The following UGT2B4 variants were observed in gnomAD, a reference collection of about 807,000 sequenced individuals.
UGT2B4 encodes the protein UDP glucuronosyltransferase family 2 member B4, also known as UDP-glucuronosyltransferase 2B4.
In UGT2B4, 49 loss-of-function variants were observed where a neutral mutation model predicts 49.8. That is an observed-to-expected ratio of 0.98 (90% confidence interval 0.78 to 1.25). UGT2B4 has a LOEUF of 1.25. UGT2B4 is among the 50% of genes most tolerant of loss of function. The pLI, the probability that UGT2B4 is intolerant of heterozygous loss-of-function variation, is 0.00. For missense variants in UGT2B4, 729 were observed against 627.7 expected (o/e 1.16, Z -1.73); for synonymous variants, 246 against 217.7 (o/e 1.13, Z -1.14).
At chr4:69,500,136 AAC>A (rs1177774547), upstream of UGT2B4, among the ~76,000 whole-genome samples, 1 of 152,206 alleles carries the variant, frequency 6.6e-6, no homozygotes, top group African/African-American at 2.4e-5. Context: ...TCAGCAAACT[AAC>A]ACAGAATCAG....
chr4:69,485,345 C>T lies in UGT2B4; in HGVS notation c.1173G>A (p.Val391=). The change falls in exon 5 of 6, where the codon GTG becomes GTA. Residue 391 remains valine, a synonymous_variant. Coordinates refer to ENST00000305107, the MANE Select transcript of UGT2B4 (RefSeq NM_021139.3). ...GTTGATCTGCAAACAATGGAACGCC[C>T]ACCATAGGGATTCCATGGTAGATTG... The part of the protein sequence containing the change: ...YEAIYHGIPM[V]GVPLFADQPD... 3 of 1,613,996 alleles carry T rather than the reference C, an allele frequency of 1.9e-6. No homozygotes were observed. The highest frequency in any genetic ancestry group is 1.1e-5 in the South Asian group (1 of 91,082).
Position 69,495,203 on chromosome 4 carries a change from A to G in UGT2B4, c.659T>C (p.Phe220Ser), listed in dbSNP as rs927762910. The change falls in exon 1 of 6, where the codon TTT becomes TCT. Residue 220 changes from phenylalanine to serine, a missense_variant. Physicochemically the swap from Phe to Ser is radical, Grantham distance 155 (BLOSUM62 -2). Coordinates refer to ENST00000305107, the MANE Select transcript of UGT2B4 (RefSeq NM_021139.3). Reference sequence around the variant, plus strand: ...GTCAAATATTTGGAACCAAAATTCAAAATAAAGCACATAGATCATATTTTT... The same window carrying G: ...GTCAAATATTTGGAACCAAAATTCAGAATAAAGCACATAGATCATATTTTT... ...RVKNMIYVLY[F>S]EFWFQIFDMK... 5 of 1,595,978 alleles carry G rather than the reference A, an allele frequency of 3.1e-6. No homozygotes were observed. The highest frequency in any genetic ancestry group is 3.4e-6 in the Non-Finnish European group (4 of 1,174,084).
chr4:69,521,069 G>T (rs1462343548), intron 1 of UGT2B4, among the ~76,000 whole-genome samples: 2 of 152,146 alleles, frequency 1.3e-5, no homozygotes, highest in African/African-American at 4.8e-5. Context: ...ACATTGGGAT[G>T]ACCAGCCTGT....
At chr4:69,492,359 C>A (rs1422147672) in intron 2 of UGT2B4, among the ~76,000 whole-genome samples, 2 of 152,040 alleles carry the variant, frequency 1.3e-5, no homozygotes, top group Non-Finnish European at 2.9e-5. Flanking sequence ...AACACTGGGT[C>A]TGGCTGCAAA....
In UGT2B4 at chr4:69,495,463, A is replaced by T. The variant is rs1728127985; in HGVS notation, c.399T>A (p.Asn133Lys). 6.2e-7 allele frequency: 1 copy of T among 1,613,028 alleles called. No individual in the cohort carries two copies. Among genetic ancestry groups the T allele is most frequent in the South Asian group, 1.1e-5 (1 of 91,008 alleles). Reference sequence around the variant, plus strand: ...CCTGTAGTTTCTTCATAAGTTTCTTATTTGAAACTATATCCTTACAGAACT... The same window carrying T: ...CCTGTAGTTTCTTCATAAGTTTCTTTTTTGAAACTATATCCTTACAGAACT... ...LRKFCKDIVS[N>K]KKLMKKLQES... The change falls in exon 1 of 6, where the codon AAT becomes AAA. Residue 133 changes from asparagine to lysine, a missense_variant. Transcript: ENST00000305107.
chr4:69,495,192 AC>A lies in UGT2B4; in HGVS notation c.669del (p.Trp223CysfsTer7). The A allele has an allele frequency of 1.3e-6, 2 of 1,587,200 alleles. No homozygotes were observed. Among genetic ancestry groups the A allele is most frequent in the Non-Finnish European group, 8.5e-7 (1 of 1,170,716 alleles). Reference sequence around the variant, plus strand: ...CACTTCTTCATGTCAAATATTTGGAACCAAAATTCAAAATAAAGCACATAGA... The same window carrying A: ...CACTTCTTCATGTCAAATATTTGGAACAAAATTCAAAATAAAGCACATAGA... ...NMIYVLYFEFWFQIFDMKKWD... is the reference protein window; with the variant it reads ...NMIYVLYFEFXFQIFDMKKWD... On this transcript the variant is annotated frameshift_variant, in exon 1 of 6. Transcript: ENST00000305107. LOFTEE classifies it high-confidence loss of function.
At chr4:69,492,154 C>T (rs1728006116) in intron 2 of UGT2B4, among the ~76,000 whole-genome samples, 1 of 151,966 alleles carries the variant, frequency 6.6e-6, no homozygotes, top group African/African-American at 2.4e-5. Flanking sequence ...CTTTATTATA[C>T]ATGCGTTGTT....
At chr4:69,507,238 G>A (rs1177248592) in intron 1 of UGT2B4, among the ~76,000 whole-genome samples, 9 of 152,140 alleles carry the variant, frequency 5.9e-5, no homozygotes, top group Admixed American at 1.3e-4. Flanking sequence ...TCAGGCGAGC[G>A]AAAGAAATAA....
intron 1 of UGT2B4, among the ~76,000 whole-genome samples, chr4:69,512,176 T>C (rs1363467986): frequency 6.6e-6 from 1 of 152,032 alleles, no homozygotes; most frequent in Non-Finnish European, 1.5e-5. Flanking sequence ...CTTTTTTTTC[T>C]GCCAACGTTG....
intron 3 of UGT2B4, among the ~76,000 whole-genome samples, chr4:69,488,449 T>C (rs993287026): frequency 2.0e-5 from 3 of 152,170 alleles, no homozygotes; most frequent in African/African-American, 7.2e-5. Flanking sequence ...GTTACATCAG[T>C]GTTAAAGTAA....
chr4:69,480,840 C>A lies in UGT2B4; in HGVS notation c.1381G>T (p.Val461Phe). The A allele has an allele frequency of 6.2e-7, 1 of 1,613,892 alleles. No homozygotes were observed. Among genetic ancestry groups the A allele is most frequent in the South Asian group, 1.1e-5 (1 of 91,074 alleles). The change falls in exon 6 of 6, where the codon GTC becomes TTC. Residue 461 changes from valine to phenylalanine, a missense_variant. Coordinates refer to ENST00000305107, the MANE Select transcript of UGT2B4 (RefSeq NM_021139.3). Reference protein sequence around the residue: ...DQPVKPLDRAVFWIEFVMRHK... With the variant: ...DQPVKPLDRAFFWIEFVMRHK... ...CGCATGACAAATTCAATCCAGAAGA[C>A]TGCTCGATCAAGGGGCTTCACTGGT...
chr4:69,502,089 C>CTTTCTTTCTTTCTT (rs879676979), intron 1 of UGT2B4, among the ~76,000 whole-genome samples: 1 of 84,052 alleles, frequency 1.2e-5, no homozygotes, highest in Non-Finnish European at 2.5e-5. Flanking sequence ...CTTTCTTTCT[C>CTTTCTTTCTTTCTT]TCTCTTTCTT....
At chr4:69,481,052 C>G (rs1314572774) in intron 5 of UGT2B4, 142 bp from the exon 6 acceptor site, 1 of 381,566 alleles carries the variant, frequency 2.6e-6, no homozygotes, top group Non-Finnish European at 4.3e-6. Flanking sequence ...TCCTGGCTAA[C>G]ACGGTGAAAC....
intron 1 of UGT2B4, among the ~76,000 whole-genome samples, chr4:69,514,870 A>G (rs1728690425): frequency 6.6e-6 from 1 of 152,146 alleles, no homozygotes; most frequent in African/African-American, 2.4e-5. Context: ...TGGAAAATAG[A>G]AAAAAGCAAG....
intron 2 of UGT2B4, among the ~76,000 whole-genome samples, chr4:69,492,193 C>T (rs1300992536): frequency 6.6e-6 from 1 of 152,004 alleles, no homozygotes; most frequent in African/African-American, 2.4e-5. Flanking sequence ...CTCTCAGGCA[C>T]TTATGATGTT....
chr4:69,512,715 GTTTT>G (rs144380672), intron 1 of UGT2B4, among the ~76,000 whole-genome samples: 216 of 151,802 alleles, frequency 1.4e-3, no homozygotes, highest in African/African-American at 1.7e-3. Flanking sequence ...ACCAGCATCT[GTTTT>G]TTTTTTGTTT....
At chr4:69,500,668 A>AGAAAGAAAGAAAGAAAGAAAGAAAGAAG (rs1383264448), upstream of UGT2B4, among the ~76,000 whole-genome samples, 4 of 110,168 alleles carry the variant, frequency 3.6e-5, no homozygotes, top group African/African-American at 1.1e-4. Context: ...AAAGAAAGAA[A>AGAAAGAAAGAAAGAAAGAAAGAAAGAAG]GGAAGGAAAG....
chr4:69,482,435 C>G (rs1334093158), intron 5 of UGT2B4, among the ~76,000 whole-genome samples: 1 of 152,162 alleles, frequency 6.6e-6, no homozygotes, highest in African/African-American at 2.4e-5. Flanking sequence ...GAAGATACCA[C>G]TATCTCTCAG....
rs1160114412 is a variant in UGT2B4 at position 69,489,461 on chromosome 4, G to C, written c.980C>G (p.Ala327Gly). 1.2e-6 allele frequency: 2 copies of C among 1,611,284 alleles called. No individual in the cohort carries two copies. The highest frequency in any genetic ancestry group is 2.2e-5 in the South Asian group (2 of 90,996). The change falls in exon 3 of 6, where the codon GCC becomes GGC. Residue 327 changes from alanine (A) to glycine (G), a missense_variant. Coordinates refer to ENST00000305107, the MANE Select transcript of UGT2B4 (RefSeq NM_021139.3). ...TACCTTTTGTGGGATCTTGGCAAGG[G>C]CTGATGCAATTACATTGGCCCTTTC... Reference protein sequence around the residue: ...SEERANVIASALAKIPQKVLW... With the variant: ...SEERANVIASGLAKIPQKVLW...
Sources: allele counts gnomAD v4.1 joint callset (sites outside exome capture counted in the v4.1 genomes callset), GRCh38; gene constraint gnomAD v4.1.1; transcripts MANE v1.5; gene names NCBI Gene and HGNC (gene_info 2026-07-23, HGNC 2026-07-21).